Variants in SLC13A3 observed in about 807,000 individuals in gnomAD.
SLC13A3 encodes Na(+)/dicarboxylate cotransporter 3.
In SLC13A3, 40 loss-of-function variants were observed where a neutral mutation model predicts 59.0. The ratio of observed to expected loss-of-function variants is 0.68; its 90% confidence interval spans 0.53 to 0.88. The LOEUF is 0.88. Ranked by LOEUF, SLC13A3 falls within the 40% of genes least tolerant of loss-of-function variation. The pLI is 0.00. For synonymous variants in SLC13A3, 317 were observed against 330.3 expected (o/e 0.96, Z 0.44); for missense variants, 699 against 783.2 (o/e 0.89, Z 1.28).
At chr20:46,577,417 A>G in intron 9 of SLC13A3, among the ~76,000 whole-genome samples, 1 of 152,228 alleles carries the variant, frequency 6.6e-6, no homozygotes. Context: ...GTAACCAGAC[A>G]TGGCAGGTGG....
At chr20:46,595,789 A>G (rs971520339) in intron 5 of SLC13A3, among the ~76,000 whole-genome samples, 5 of 152,096 alleles carry the variant, frequency 3.3e-5, no homozygotes, top group Admixed American at 1.3e-4. Context: ...CTGTGTCCAC[A>G]TGGCTCATTC....
upstream of SLC13A3, among the ~76,000 whole-genome samples, chr20:46,651,792 C>T (rs1323060266): frequency 6.6e-6 from 1 of 152,212 alleles, no homozygotes; most frequent in Non-Finnish European, 1.5e-5. Context: ...TCCTATTACC[C>T]GGGTTCAAAT....
chr20:46,652,957 A>G (rs2757523), upstream of SLC13A3, among the ~76,000 whole-genome samples: 32,198 of 151,946 alleles, frequency 0.21, 5,629 homozygotes, highest in African/African-American at 0.49. Flanking sequence ...TGACAGGGAC[A>G]TAGTAATAGC....
At chr20:46,674,362 G>C (rs1262704957), upstream of SLC13A3, among the ~76,000 whole-genome samples, 1 of 152,196 alleles carries the variant, frequency 6.6e-6, no homozygotes, top group African/African-American at 2.4e-5. Context: ...CCTCACTATG[G>C]GGAAGGGGGC....
At chr20:46,600,425 A>G (rs943760559) in intron 3 of SLC13A3, among the ~76,000 whole-genome samples, 20 of 141,270 alleles carry the variant, frequency 1.4e-4, no homozygotes, top group African/African-American at 3.6e-4. Flanking sequence ...AAGGAAGGAA[A>G]GGAAGGAAGG....
At chr20:46,585,533 A>G (rs1357292044) in intron 8 of SLC13A3, 3 of 1,028,084 alleles carry the variant, frequency 2.9e-6, no homozygotes, top group African/African-American at 3.5e-5. Flanking sequence ...TATAATTAAC[A>G]TGCAATAAAA....
intron 4 of SLC13A3, among the ~76,000 whole-genome samples, chr20:46,598,376 G>A (rs918195667): frequency 2.0e-5 from 3 of 152,106 alleles, no homozygotes; most frequent in South Asian, 2.1e-4. Flanking sequence ...CCTGAGTATC[G>A]AAAAGAGAAA....
At chr20:46,659,534 G>A (rs563401232) in intron 1 of SLC13A3, among the ~76,000 whole-genome samples, 7 of 152,166 alleles carry the variant, frequency 4.6e-5, no homozygotes, top group African/African-American at 1.2e-4. Context: ...GGCCAACATG[G>A]TGAAACCTCA....
intron 1 of SLC13A3, among the ~76,000 whole-genome samples, chr20:46,656,650 A>ATT (rs1459349202): frequency 3.3e-5 from 5 of 149,802 alleles, no homozygotes; most frequent in Non-Finnish European, 7.4e-5. Context: ...ACTACCTATT[A>ATT]TTATATATAT....
upstream of SLC13A3, among the ~76,000 whole-genome samples, chr20:46,655,243 A>G (rs1261428250): frequency 1.3e-5 from 2 of 151,432 alleles, no homozygotes; most frequent in Non-Finnish European, 2.9e-5. Flanking sequence ...ATATACACAT[A>G]TATATACACA....
chr20:46,579,968 CT>C (rs1044698184), intron 9 of SLC13A3, among the ~76,000 whole-genome samples: 1 of 151,490 alleles, frequency 6.6e-6, no homozygotes, highest in Admixed American at 6.6e-5. Context: ...GCACTCATCA[CT>C]ACTTTTTTTT....
intron 1 of SLC13A3, among the ~76,000 whole-genome samples, chr20:46,634,689 A>T (rs1423980209): frequency 6.6e-6 from 1 of 152,100 alleles, no homozygotes; most frequent in Non-Finnish European, 1.5e-5. Context: ...GCCAGACAGG[A>T]GGGTGGTTGT....
At chr20:46,563,130 C>G (rs532838537) in intron 12 of SLC13A3, among the ~76,000 whole-genome samples, 4 of 152,140 alleles carry the variant, frequency 2.6e-5, no homozygotes, top group Non-Finnish European at 5.9e-5. Flanking sequence ...TTCTCTCCCC[C>G]GAAGATTCTG....
In SLC13A3 at chr20:46,566,236, G is replaced by T. The variant is rs754051405; in HGVS notation, c.1487C>A (p.Ala496Glu). The T allele has an allele frequency of 1.2e-6, 2 of 1,613,438 alleles. No individual in the cohort carries two copies. Among genetic ancestry groups the T allele is most frequent in the East Asian group, 4.5e-5 (2 of 44,836 alleles). ...CCCCAGAAGGACCCTCACCAGCTCT[G>T]CCAGGACCGGCAGGAAGATGATGAT... Reference protein sequence around the residue: ...ATIIIFLPVLAELAIRLRVHP... With the variant: ...ATIIIFLPVLEELAIRLRVHP... The change falls in exon 11 of 13, where the codon GCA becomes GAA. Residue 496 changes from alanine to glutamate, a missense_variant. Physicochemically the swap from Ala to Glu is moderately radical, Grantham distance 107. Transcript: ENST00000279027.
At chr20:46,581,789 C>T (rs899093591) in intron 9 of SLC13A3, among the ~76,000 whole-genome samples, 8 of 152,062 alleles carry the variant, frequency 5.3e-5, no homozygotes, top group Non-Finnish European at 7.4e-5. Flanking sequence ...TATAAAGGTG[C>T]AAAACCTAAT....
intron 1 of SLC13A3, among the ~76,000 whole-genome samples, chr20:46,665,051 A>G (rs896024193): frequency 2.0e-5 from 3 of 151,894 alleles, no homozygotes; most frequent in Non-Finnish European, 4.4e-5. Flanking sequence ...TTTTTTTTTA[A>G]GTCAGTGTTA....
At chr20:46,588,868 AGT>A (rs2122666103) in intron 7 of SLC13A3, among the ~76,000 whole-genome samples, 1 of 152,308 alleles carries the variant, frequency 6.6e-6, no homozygotes, top group East Asian at 1.9e-4. Context: ...CACCTGAGAT[AGT>A]GTCAGGTATT....
chr20:46,602,856 A>G (rs2062393242), intron 3 of SLC13A3, among the ~76,000 whole-genome samples: 1 of 152,122 alleles, frequency 6.6e-6, no homozygotes, highest in African/African-American at 2.4e-5. Context: ...AATGGAAGTA[A>G]CCATTCTAGG....
intron 9 of SLC13A3, among the ~76,000 whole-genome samples, chr20:46,579,201 A>G (rs190537648): frequency 1.3e-5 from 2 of 152,178 alleles, no homozygotes; most frequent in East Asian, 3.9e-4. Flanking sequence ...CAGTGGCAAC[A>G]TCACAGCTCA....
Sources: allele counts gnomAD v4.1 joint callset (sites outside exome capture counted in the v4.1 genomes callset), GRCh38; gene constraint gnomAD v4.1.1; transcripts MANE v1.5; gene names NCBI Gene and HGNC (gene_info 2026-07-23, HGNC 2026-07-21).